The following KLHL32 variants were observed in gnomAD, a reference collection of about 807,000 sequenced individuals.
The protein encoded by KLHL32 is kelch-like protein 32.
In KLHL32, 35 loss-of-function variants were observed where a neutral mutation model predicts 64.8. That is an observed-to-expected ratio of 0.54 (90% CI 0.41 to 0.72). The LOEUF (loss-of-function observed/expected upper bound fraction) is 0.72, where lower values mean the gene tolerates loss of function less well. Ranked by LOEUF, KLHL32 falls within the 30% of genes least tolerant of loss-of-function variation. KLHL32 has a pLI of 0.00. For synonymous variants in KLHL32, 259 were observed against 281.0 expected (o/e 0.92, Z 0.78); for missense variants, 589 against 768.5 (o/e 0.77, Z 2.76).
chr6:97,100,966 CTTTTTTTT>C (rs58422496), intron 6 of KLHL32, among the ~76,000 whole-genome samples: 2 of 69,472 alleles, frequency 2.9e-5, no homozygotes, highest in African/African-American at 7.1e-5. Context: ...TGCAGCCAAG[CTTTTTTTT>C]TTTTTTTTTT....
chr6:97,127,513 G>T (rs1367378681), intron 8 of KLHL32, 51 bp downstream of exon 8: 20 of 1,422,770 alleles, frequency 1.4e-5, no homozygotes, highest in Non-Finnish European at 2.0e-5. Context: ...AATTTTAAAA[G>T]ATTCCAGAGT....
intron 4 of KLHL32, among the ~76,000 whole-genome samples, chr6:97,050,963 A>T (rs1304614872): frequency 6.6e-6 from 1 of 152,238 alleles, no homozygotes; most frequent in Non-Finnish European, 1.5e-5. Context: ...AGATCATGCC[A>T]CTGCACTCCA....
At chr6:96,987,615 A>G (rs1035526862) in intron 3 of KLHL32, among the ~76,000 whole-genome samples, 2 of 152,222 alleles carry the variant, frequency 1.3e-5, no homozygotes, top group African/African-American at 4.8e-5. Flanking sequence ...TAAAGTTCAT[A>G]TGGAACCAAA....
chr6:97,079,219 A>G (rs1363785337), intron 5 of KLHL32, among the ~76,000 whole-genome samples: 1 of 152,172 alleles, frequency 6.6e-6, no homozygotes, highest in Non-Finnish European at 1.5e-5. Flanking sequence ...GTTCCTGCAT[A>G]ATTGAGATAT....
chr6:97,023,053 G>A (rs1235773207), intron 3 of KLHL32, among the ~76,000 whole-genome samples: 1 of 152,116 alleles, frequency 6.6e-6, no homozygotes, highest in Non-Finnish European at 1.5e-5. Context: ...ACATCATGGG[G>A]GAAACCGTCT....
rs750242567 is a variant in KLHL32 at position 97,055,796 on chromosome 6, TA to T, written c.313-8806del. On this transcript the variant is annotated intron_variant, in intron 4 of 10. Transcript: ENST00000369261. The stretch of plus-strand genomic sequence containing the variant: ...CGAGGTAACAGACTGAGAACCTGTC[TA>T]AAAAAAAAAAAAAAAAAAAAAAAAA... Among the ~76,000 whole-genome samples, 546 of 81,028 alleles carry T rather than the reference TA, an allele frequency of 6.7e-3. 28 individuals carry two copies. Among genetic ancestry groups the T allele is most frequent in the African/African-American group, 7.8e-3 (201 of 25,728 alleles). 53.2% of individuals were successfully genotyped at this position (81,028 alleles called of 152,430 possible). A position where few individuals can be genotyped will look rare whatever the true frequency, so the allele number is the denominator to read the frequency against.
At chr6:97,050,316 G>A (rs1172553580) in intron 4 of KLHL32, among the ~76,000 whole-genome samples, 4 of 152,116 alleles carry the variant, frequency 2.6e-5, no homozygotes, top group Non-Finnish European at 5.9e-5. Context: ...GACTGATAAT[G>A]CCACACACCC....
chr6:96,964,490 T>G (rs922708129), intron 1 of KLHL32, among the ~76,000 whole-genome samples: 15 of 151,952 alleles, frequency 9.9e-5, no homozygotes, highest in African/African-American at 3.6e-4. Context: ...CGTCTCTACT[T>G]AAAATACAAA....
chr6:97,119,269 C>G (rs560119023), intron 7 of KLHL32, among the ~76,000 whole-genome samples: 35 of 152,312 alleles, frequency 2.3e-4, no homozygotes, highest in African/African-American at 7.9e-4. Context: ...TACTCTCTCA[C>G]CCCTTTCCTT....
intron 7 of KLHL32, among the ~76,000 whole-genome samples, chr6:97,115,630 T>G (rs1442868008): frequency 6.6e-6 from 1 of 152,182 alleles, no homozygotes; most frequent in African/African-American, 2.4e-5. Flanking sequence ...AGGCATATGC[T>G]ATCAACATCA....
chr6:97,105,292 T>A, intron 6 of KLHL32: 1 of 374,910 alleles, frequency 2.7e-6, no homozygotes, highest in Non-Finnish European at 5.3e-6. Flanking sequence ...CGTCTATGCA[T>A]CATCATCCAT....
chr6:96,974,417 T>C (rs1775476216), intron 2 of KLHL32, among the ~76,000 whole-genome samples: 1 of 152,164 alleles, frequency 6.6e-6, no homozygotes, highest in African/African-American at 2.4e-5. Context: ...TTGCAAAAAA[T>C]TATTTATGCT....
chr6:97,065,664 G>T (rs2128155500), intron 5 of KLHL32, among the ~76,000 whole-genome samples: 1 of 152,214 alleles, frequency 6.6e-6, no homozygotes, highest in Admixed American at 6.5e-5. Flanking sequence ...CACTATCTTT[G>T]TGCATATGAC....
chr6:97,064,525 C>G (rs958429458), intron 4 of KLHL32, 103 bp from the exon 5 acceptor site: 1 of 760,534 alleles, frequency 1.3e-6, no homozygotes, highest in African/African-American at 1.7e-5. Context: ...AAATAGAGTA[C>G]GTAAAGCAGC....
intron 6 of KLHL32, among the ~76,000 whole-genome samples, chr6:97,102,747 A>G (rs1430059571): frequency 6.6e-6 from 1 of 152,134 alleles, no homozygotes; most frequent in Non-Finnish European, 1.5e-5. Context: ...CATCATTGGC[A>G]AGGGTGGTGC....
At chr6:96,938,610 T>C (rs1192576410) in intron 1 of KLHL32, among the ~76,000 whole-genome samples, 1 of 152,126 alleles carries the variant, frequency 6.6e-6, no homozygotes, top group Non-Finnish European at 1.5e-5. Context: ...TGGCTGCTTG[T>C]AGCTTCCTTT....
At chr6:96,936,216 A>G (rs1770582870) in intron 1 of KLHL32, among the ~76,000 whole-genome samples, 1 of 152,352 alleles carries the variant, frequency 6.6e-6, no homozygotes, top group Non-Finnish European at 1.5e-5. Flanking sequence ...AAAGAATGCT[A>G]AGAATCAGGA....
intron 4 of KLHL32, among the ~76,000 whole-genome samples, chr6:97,044,977 C>T (rs1785704920): frequency 6.6e-6 from 1 of 151,202 alleles, no homozygotes; most frequent in Non-Finnish European, 1.5e-5. Context: ...TTAATCTTTT[C>T]TATTGTCTTT....
At chr6:97,020,011 T>C (rs556488804) in intron 3 of KLHL32, among the ~76,000 whole-genome samples, 111 of 150,852 alleles carry the variant, frequency 7.4e-4, no homozygotes, top group South Asian at 6.9e-3. Flanking sequence ...GCAGCAATCT[T>C]GGCTCACTGC....
Sources: gnomAD v4.1 joint callset for allele counts (sites outside exome capture counted in the v4.1 genomes callset) on GRCh38, gnomAD v4.1.1 for gene constraint, MANE v1.5 for transcripts, NCBI Gene and HGNC (gene_info 2026-07-23, HGNC 2026-07-21) for gene names.